MAN2A2: variants seen among roughly 807,000 people sequenced by gnomAD.
The protein encoded by MAN2A2 is mannosidase alpha class 2A member 2, also known as alpha-mannosidase 2x.
Under a neutral mutation model 126.8 loss-of-function variants are expected in MAN2A2, and 79 were observed. That is an observed-to-expected ratio of 0.62 (90% CI 0.52 to 0.75). MAN2A2 has a LOEUF of 0.75. Among genes scored for constraint, MAN2A2 ranks in the 30% least tolerant of loss-of-function variants. The probability of loss-of-function intolerance (pLI) is 0.00; values close to 1 mark genes in which losing one functional copy is unlikely to be tolerated. For missense variants in MAN2A2, 1,392 were observed against 1,522.4 expected, an observed-to-expected ratio of 0.91 and a Z score of 1.43; for synonymous variants, 671 against 618.7, an observed-to-expected ratio of 1.08 and a Z score of -1.25.
At chr15:90,906,232 G>A in intron 5 of MAN2A2, 138 bp from the exon 6 acceptor site, 1 of 1,306,610 alleles carries the variant, frequency 7.7e-7, no homozygotes, top group Non-Finnish European at 1.1e-6. Flanking sequence ...GGAAAGGAGG[G>A]CAAGTGTGTG....
At position 90,910,484 on chromosome 15, in the gene MAN2A2, C is replaced by A; in HGVS notation, c.1578-17C>A. ...GCTAGTGGTGCAGGCTGGCAGCTAA[C>A]TTCTCTCTCTGGGCAGGGGGGCAGA... is the stretch of plus-strand genomic sequence containing the variant. On this transcript the variant is annotated splice_polypyrimidine_tract_variant and intron_variant, in intron 10 of 22. Coordinates refer to ENST00000559717, the MANE Select transcript of MAN2A2 (RefSeq NM_006122.4). 1.2e-6 allele frequency: 2 copies of A among 1,612,936 alleles called. No homozygotes were observed. Among genetic ancestry groups the A allele is most frequent in the Non-Finnish European group, 8.5e-7 (1 of 1,179,584 alleles).
chr15:90,912,489 C>G, intron 15 of MAN2A2, 53 bp from the exon 16 acceptor site: 1 of 1,603,102 alleles, frequency 6.2e-7, no homozygotes, highest in Non-Finnish European at 8.5e-7. Flanking sequence ...TCCCAGGAGG[C>G]AGGCCTGACA....
Position 90,913,264 on chromosome 15 carries a change from T to C in MAN2A2, c.2585-9T>C. On this transcript the variant is annotated splice_polypyrimidine_tract_variant and intron_variant, in intron 17 of 22. Coordinates refer to ENST00000559717, the MANE Select transcript of MAN2A2 (RefSeq NM_006122.4). ...CCTGTCCATGCCCCCACTTTGTTCCTGTACCCAGGGGTGGAGGGGCTGTCT... is the reference window on the plus strand; with the variant it reads ...CCTGTCCATGCCCCCACTTTGTTCCCGTACCCAGGGGTGGAGGGGCTGTCT... 1 of 1,613,532 alleles carries C rather than the reference T, an allele frequency of 6.2e-7. No individual in the cohort carries two copies. Among genetic ancestry groups the C allele is most frequent in the Non-Finnish European group, 8.5e-7 (1 of 1,179,756 alleles).
Position 90,912,250 on chromosome 15 carries a change from TG to T in MAN2A2, c.2319del (p.Trp773CysfsTer141). ...CCTCAGCAACCGCTACATGCAGGTCTGGTTCTCAGGCCTTACTGGGCTCCTC... is the reference window on the plus strand; with the variant it reads ...CCTCAGCAACCGCTACATGCAGGTCTGTTCTCAGGCCTTACTGGGCTCCTC... Reference protein sequence around the residue: ...FALSNRYMQVWFSGLTGLLKS... With the variant: ...FALSNRYMQVXFSGLTGLLKS... On this transcript the variant is annotated frameshift_variant, in exon 15 of 23. Transcript: ENST00000559717. LOFTEE classifies it high-confidence loss of function. 6.2e-7 allele frequency: 1 copy of T among 1,614,234 alleles called. No homozygotes were observed. The highest frequency in any genetic ancestry group is 1.3e-5 in the African/African-American group (1 of 75,066).
Position 90,907,347 on chromosome 15 carries a change from C to T in MAN2A2, c.1048C>T (p.Pro350Ser), listed in dbSNP as rs2034381971. 6.2e-7 allele frequency: 1 copy of T among 1,614,004 alleles called. No homozygotes were observed. Among genetic ancestry groups the T allele is most frequent in the Non-Finnish European group, 8.5e-7 (1 of 1,179,998 alleles). Reference protein sequence around the residue: ...SSTDIFCHMMPFYSYDVPHTC... With the variant: ...SSTDIFCHMMSFYSYDVPHTC... ...CACAGACATCTTCTGTCACATGATG[C>T]CCTTCTACAGCTATGACGTCCCCCA... The change falls in exon 8 of 23, where the codon CCC becomes TCC. Residue 350 changes from proline (P) to serine (S), a missense_variant. Physicochemically the swap from Pro to Ser is moderately conservative, Grantham distance 74 (BLOSUM62 -1). Transcript: ENST00000559717.
Position 90,912,299 on chromosome 15 carries a change from G to A in MAN2A2, c.2346+20G>A. On this transcript the variant is annotated intron_variant, in intron 15 of 22. Transcript: ENST00000559717. ...CTCAAGGTAAAAGGCCAGGGTGGTG[G>A]GGAAGGGCCAGGGGCCAGAGTAGGG... The A allele has an allele frequency of 3.1e-6, 5 of 1,613,014 alleles. No homozygotes were observed. The South Asian group carries it at 5.5e-5, about 18-fold the overall frequency.
At chr15:90,919,584 T>G (rs1158651602) in intron 22 of MAN2A2, 51 bp from the exon 23 acceptor site, 1 of 1,598,488 alleles carries the variant, frequency 6.3e-7, no homozygotes, top group Non-Finnish European at 8.5e-7. Flanking sequence ...AGCCACATTC[T>G]TTAGTGTCTC....
chr15:90,908,743 T>C (rs2034493620), intron 8 of MAN2A2, among the ~76,000 whole-genome samples: 1 of 152,022 alleles, frequency 6.6e-6, no homozygotes. Flanking sequence ...ACCCGGCTAA[T>C]TTTTGTATTT....
At chr15:90,902,741 G>A (rs1050721878), upstream of MAN2A2, 2 of 147,118 alleles carry the variant, frequency 1.4e-5, no homozygotes, top group Admixed American at 6.7e-5. Context: ...CACGCTGCTG[G>A]GCCCGGCAGC....
In MAN2A2 at chr15:90,912,548, C is replaced by A. The variant is rs779123747; in HGVS notation, c.2353C>A (p.Arg785=). 6.2e-7 allele frequency: 1 copy of A among 1,613,660 alleles called. No individual in the cohort carries two copies. The highest frequency in any genetic ancestry group is 1.1e-5 in the South Asian group (1 of 91,038). The stretch of plus-strand genomic sequence containing the variant: ...GGGCTGTGTTTTTTGGCAGAGCATC[C>A]GAAGGGTGGATGAGGAGCACGAGCA... ...SGLTGLLKSI[R]RVDEEHEQQV... is the part of the protein sequence containing the mutation. The change falls in exon 16 of 23, where the codon CGA becomes AGA. Residue 785 remains arginine, a synonymous_variant. Coordinates refer to ENST00000559717, the MANE Select transcript of MAN2A2 (RefSeq NM_006122.4).
Position 90,906,420 on chromosome 15 carries a change from C to T in MAN2A2, c.758C>T (p.Pro253Leu). Residue 253 changes from proline to leucine, a missense_variant, in exon 6 of 23, where the codon CCA (proline) becomes CTA (leucine). Pro to Leu is a moderately conservative substitution (Grantham distance 98). Coordinates refer to ENST00000559717, the MANE Select transcript of MAN2A2 (RefSeq NM_006122.4). ...LEIATGGWVM[P>L]DEANSHYFAL... Reference sequence around the variant, plus strand: ...ATTGCGACAGGAGGCTGGGTGATGCCAGATGAGGCCAATTCCCACTACTTT... The same window carrying T: ...ATTGCGACAGGAGGCTGGGTGATGCTAGATGAGGCCAATTCCCACTACTTT... 1 of 1,614,158 alleles carries T rather than the reference C, an allele frequency of 6.2e-7. No homozygotes were observed. Among genetic ancestry groups the T allele is most frequent in the Non-Finnish European group, 8.5e-7 (1 of 1,180,004 alleles).
chr15:90,909,604 C>CA, intron 9 of MAN2A2, 100 bp downstream of exon 9: 2 of 1,202,924 alleles, frequency 1.7e-6, no homozygotes, highest in Admixed American at 2.7e-5. Context: ...AGGGTGCCCC[C>CA]CTTTTTTTTT....
intron 14 of MAN2A2, 48 bp from the exon 15 acceptor site, chr15:90,911,995 T>C (rs771010044): frequency 3.1e-5 from 47 of 1,511,444 alleles, no homozygotes; most frequent in African/African-American, 4.1e-5. Context: ...TCAGCACCCC[T>C]GTGGCGAAAG....
intron 20 of MAN2A2, among the ~76,000 whole-genome samples, chr15:90,917,131 T>C (rs2035248907): frequency 6.6e-6 from 1 of 152,210 alleles, no homozygotes; most frequent in Non-Finnish European, 1.5e-5. Context: ...CTATTTAAAT[T>C]ACAACTAAAT....
intron 20 of MAN2A2, chr15:90,917,881 A>C: frequency 3.1e-6 from 1 of 319,510 alleles, no homozygotes. Flanking sequence ...TCCTCCCTGC[A>C]CTGTGGATCC....
chr15:90,916,808 T>C, intron 20 of MAN2A2: 2 of 530,514 alleles, frequency 3.8e-6, no homozygotes, highest in Non-Finnish European at 6.3e-6. Context: ...GGGACATAAG[T>C]GCAGACAGTG....
At chr15:90,909,182 T>C (rs917332319) in intron 8 of MAN2A2, 145 bp from the exon 9 acceptor site, 1 of 661,586 alleles carries the variant, frequency 1.5e-6, no homozygotes. Context: ...GGGCTGGGAT[T>C]CATGTGCAGG....
At chr15:90,919,223 G>A (rs1425368398) in intron 22 of MAN2A2, among the ~76,000 whole-genome samples, 1 of 152,216 alleles carries the variant, frequency 6.6e-6, no homozygotes, top group African/African-American at 2.4e-5. Flanking sequence ...CAGCAAGCCC[G>A]TGAGACTGGA....
chr15:90,917,076 G>T (rs2035244583), intron 20 of MAN2A2, among the ~76,000 whole-genome samples: 1 of 152,180 alleles, frequency 6.6e-6, no homozygotes, highest in African/African-American at 2.4e-5. Flanking sequence ...CCTTAGTTAT[G>T]CTGGAGCTAT....
Sources: allele counts gnomAD v4.1 joint callset (sites outside exome capture counted in the v4.1 genomes callset), GRCh38; gene constraint gnomAD v4.1.1; transcripts MANE v1.5; gene names NCBI Gene and HGNC (gene_info 2026-07-23, HGNC 2026-07-21).